The following ATOSB variants were observed in gnomAD, a reference collection of about 807,000 sequenced individuals.
ATOSB encodes the protein atos homolog B.
chr9:35,106,389 A>C, the ATOSB span: 1 of 1,614,182 alleles, frequency 6.2e-7, no homozygotes, highest in South Asian at 1.1e-5. The surrounding 1 kb of genome is among the most constrained non-coding windows in gnomAD (Gnocchi z 4.6). Flanking sequence ...GATGGTGCAA[A>C]ACGTCCTCGC....
At chr9:35,106,270 A>G in the ATOSB span, 1 of 1,613,908 alleles carries the variant, frequency 6.2e-7, no homozygotes, top group Non-Finnish European at 8.5e-7. This position sits in a 1 kb window ranked among gnomAD's most constrained non-coding sequence, Gnocchi z 4.6. Context: ...GAGCCGGGGC[A>G]TTTTGCTCAG....
the ATOSB span, chr9:35,109,040 C>T: frequency 6.6e-6 from 1 of 152,122 alleles, no homozygotes; most frequent in Non-Finnish European, 1.5e-5. Flanking sequence ...GATGAGAGAC[C>T]CCCAAGATCC....
chr9:35,114,470 T>C, the ATOSB span, among the ~76,000 whole-genome samples: 871 of 151,132 alleles, frequency 5.8e-3, 11 homozygotes, highest in African/African-American at 0.019. Flanking sequence ...TCACACTCAT[T>C]TAGCCACTGT....
the ATOSB span, among the ~76,000 whole-genome samples, chr9:35,115,478 C>T: frequency 6.6e-6 from 1 of 151,950 alleles, no homozygotes; most frequent in African/African-American, 2.4e-5. Context: ...CCCGCAGACC[C>T]TCCGACACCG....
At chr9:35,105,413 T>C in the ATOSB span, 2 of 1,577,466 alleles carry the variant, frequency 1.3e-6, no homozygotes, top group South Asian at 2.3e-5. The surrounding 1 kb of genome is among the most constrained non-coding windows in gnomAD (Gnocchi z 5.5). Flanking sequence ...GAATCCAGGC[T>C]GGGTTCAGTG....
chr9:35,106,657 G>A, the ATOSB span: 1 of 1,536,688 alleles, frequency 6.5e-7, no homozygotes, highest in African/African-American at 1.4e-5. The surrounding 1 kb of genome is among the most constrained non-coding windows in gnomAD (Gnocchi z 4.6). Context: ...GTAGAGGAAG[G>A]GAAACACAGG....
At chr9:35,107,850 C>T in the ATOSB span, 1 of 1,598,320 alleles carries the variant, frequency 6.3e-7, no homozygotes, top group African/African-American at 1.3e-5. Flanking sequence ...GCAGGGGGGA[C>T]TCCAGGCCCC....
the ATOSB span, chr9:35,106,752 C>A: frequency 6.6e-7 from 1 of 1,507,068 alleles, no homozygotes; most frequent in Non-Finnish European, 9.0e-7. This position sits in a 1 kb window ranked among gnomAD's most constrained non-coding sequence, Gnocchi z 4.6. Context: ...GCCCTGGGGT[C>A]CCCTACTCGG....
chr9:35,106,636 G>A, the ATOSB span: 1 of 1,551,692 alleles, frequency 6.4e-7, no homozygotes, highest in Non-Finnish European at 8.7e-7. This position sits in a 1 kb window ranked among gnomAD's most constrained non-coding sequence, Gnocchi z 4.6. Context: ...AGGCTTCGAA[G>A]GGGGCTCCTG....
chr9:35,107,674 G>C, the ATOSB span: 2 of 1,609,088 alleles, frequency 1.2e-6, no homozygotes, highest in Non-Finnish European at 1.7e-6. Context: ...CCAGCCACTG[G>C]GCTCTTACCC....
the ATOSB span, chr9:35,106,497 C>G: frequency 6.2e-7 from 1 of 1,600,802 alleles, no homozygotes. The surrounding 1 kb of genome is among the most constrained non-coding windows in gnomAD (Gnocchi z 4.6). Flanking sequence ...CATCCCACCT[C>G]TCCCAGGACC....
At chr9:35,104,583 GCA>G in the ATOSB span, 2 of 387,156 alleles carry the variant, frequency 5.2e-6, no homozygotes, top group Admixed American at 3.1e-5. Context: ...ACAAGCTTGT[GCA>G]CACACACATA....
chr9:35,107,319 C>CAAAAA, the ATOSB span: 33 of 1,161,148 alleles, frequency 2.8e-5, no homozygotes, highest in Admixed American at 1.8e-4. Flanking sequence ...GATCCCATCT[C>CAAAAA]AAAAAAAAAA....
At chr9:35,109,022 G>A in the ATOSB span, 1 of 152,164 alleles carries the variant, frequency 6.6e-6, no homozygotes, top group East Asian at 1.9e-4. Flanking sequence ...GCCCTACATG[G>A]AGGAAGGGAT....
chr9:35,106,823 G>A, the ATOSB span: 2 of 1,565,324 alleles, frequency 1.3e-6, no homozygotes, highest in African/African-American at 1.4e-5. The surrounding 1 kb of genome is among the most constrained non-coding windows in gnomAD (Gnocchi z 4.6). Context: ...GGAAAAAGCT[G>A]GTCACTTACA....
chr9:35,107,902 C>T, the ATOSB span: 5 of 1,594,900 alleles, frequency 3.1e-6, no homozygotes, highest in South Asian at 4.5e-5. Context: ...TGTTCCACAA[C>T]ACAGAGGCCA....
chr9:35,108,017 C>A, the ATOSB span: 1 of 1,556,076 alleles, frequency 6.4e-7, no homozygotes, highest in Non-Finnish European at 8.7e-7. Flanking sequence ...CCTCTCTGGC[C>A]CCCAGCCCAG....
chr9:35,112,059 C>A, the ATOSB span, among the ~76,000 whole-genome samples: 66 of 152,276 alleles, frequency 4.3e-4, no homozygotes, highest in African/African-American at 1.6e-3. Flanking sequence ...CCTTCCAAAC[C>A]AAAGCTTCAG....
the ATOSB span, chr9:35,109,922 A>C: frequency 6.6e-6 from 1 of 152,404 alleles, no homozygotes; most frequent in Non-Finnish European, 1.5e-5. Context: ...CAGGGCTCAA[A>C]AAAAGTAGAA....
Sources: allele counts gnomAD v4.1 joint callset (sites outside exome capture counted in the v4.1 genomes callset), GRCh38; gene constraint gnomAD v4.1.1; non-coding constraint Gnocchi (gnomAD v3.1); transcripts MANE v1.5; gene names NCBI Gene and HGNC (gene_info 2026-07-23, HGNC 2026-07-21).